The following MTCL1 variants were observed in gnomAD, a reference collection of about 807,000 sequenced individuals.
MTCL1 encodes microtubule cross-linking factor 1.
A neutral mutation model predicts 141.4 loss-of-function variants in MTCL1; 79 were observed. The ratio of observed to expected loss-of-function variants is 0.56; its 90% CI spans 0.47 to 0.67. The LOEUF (loss-of-function observed/expected upper bound fraction) is 0.67. Among genes scored for constraint, MTCL1 ranks in the 30% least tolerant of loss-of-function variants. The pLI is 0.00. For synonymous variants in MTCL1, 914 were observed against 875.8 expected, an observed-to-expected ratio of 1.04 and a Z score of -0.77; for missense variants, 2,177 against 2,113.9, an observed-to-expected ratio of 1.03 and a Z score of -0.59.
exon 17 of MTCL1, chr18:8,831,880 C>A (rs902650949): frequency 7.4e-6 from 11 of 1,480,672 alleles, no homozygotes; most frequent in Non-Finnish European, 1.0e-5. Flanking sequence ...AAACTCTGCC[C>A]AACAGGAGAG....
intron 10 of MTCL1, among the ~76,000 whole-genome samples, chr18:8,804,877 G>A (rs2076239952): frequency 6.6e-6 from 1 of 151,778 alleles, no homozygotes; most frequent in Admixed American, 6.6e-5. Flanking sequence ...TGTAGTCCCA[G>A]CTACTTGGGA....
chr18:8,756,271 T>TG (rs1304317078), intron 4 of MTCL1, among the ~76,000 whole-genome samples: 1 of 151,866 alleles, frequency 6.6e-6, no homozygotes, highest in Non-Finnish European at 1.5e-5. Context: ...TACAGAACAG[T>TG]GTGAGATTTC....
intron 13 of MTCL1, among the ~76,000 whole-genome samples, chr18:8,819,932 G>A (rs1166109368): frequency 6.6e-6 from 1 of 152,068 alleles, no homozygotes; most frequent in Admixed American, 6.5e-5. Context: ...TGAAATAATA[G>A]TACAGTCTTC....
Position 8,779,420 on chromosome 18 carries a change from G to A in MTCL1, c.417+1528G>A, listed in dbSNP as rs894967511. On this transcript the variant is annotated intron_variant, in intron 5 of 16. Transcript: ENST00000359865. The surrounding 1 kb of genome is among the most constrained non-coding windows in gnomAD (Gnocchi z 4.1). ...GACTCGGCCTTGAACCCCCGCCTCC[G>A]CTAGACTCTTGGCAGAGTTTTAAGA... 2.6e-5 allele frequency among the ~76,000 whole-genome samples: 4 copies of A among 152,132 alleles called. No homozygotes were observed. Among genetic ancestry groups the A allele is most frequent in the Admixed American group, 6.5e-5 (1 of 15,268 alleles).
chr18:8,785,997 G>A (rs1483882849), exon 7 of MTCL1: 2 of 1,607,496 alleles, frequency 1.2e-6, no homozygotes, highest in Admixed American at 1.7e-5. Flanking sequence ...GAGCGGGAGA[G>A]CCTGCGCCTC....
At chr18:8,785,048 A>G (rs1250092301) in intron 6 of MTCL1, among the ~76,000 whole-genome samples, 1 of 136,674 alleles carries the variant, frequency 7.3e-6, no homozygotes, top group East Asian at 2.2e-4. Flanking sequence ...GTTCTCTTGT[A>G]TTGCCTTGTT....
intron 4 of MTCL1, among the ~76,000 whole-genome samples, chr18:8,767,193 G>A (rs1421486749): frequency 2.0e-5 from 3 of 152,222 alleles, no homozygotes; most frequent in Non-Finnish European, 4.4e-5. Context: ...TGTGCCCTGG[G>A]GCTTAGAGCT....
chr18:8,792,016 C>T (rs1289654895), intron 7 of MTCL1, among the ~76,000 whole-genome samples: 1 of 152,190 alleles, frequency 6.6e-6, no homozygotes, highest in Non-Finnish European at 1.5e-5. Context: ...GTATGATCTT[C>T]ACTCTTGACT....
chr18:8,795,140 C>T (rs973618869), intron 8 of MTCL1, among the ~76,000 whole-genome samples: 24 of 152,238 alleles, frequency 1.6e-4, no homozygotes, highest in Non-Finnish European at 1.0e-4. Flanking sequence ...TGAGCGGCCA[C>T]GCAAGTCGTT....
intron 4 of MTCL1, among the ~76,000 whole-genome samples, chr18:8,763,518 G>A (rs2096443767): frequency 6.6e-6 from 1 of 152,234 alleles, no homozygotes; most frequent in Non-Finnish European, 1.5e-5. Context: ...ACTCTTATCA[G>A]CGTCTCAATT....
chr18:8,716,344 A>G (rs1370924570), upstream of MTCL1, among the ~76,000 whole-genome samples: 1 of 152,174 alleles, frequency 6.6e-6, no homozygotes, highest in Non-Finnish European at 1.5e-5. Context: ...GGGATAGTGT[A>G]GGCAGAGTGG....
intron 4 of MTCL1, among the ~76,000 whole-genome samples, chr18:8,721,642 C>G (rs1299818968): frequency 6.6e-6 from 1 of 152,206 alleles, no homozygotes; most frequent in Admixed American, 6.5e-5. Context: ...AGCCCCTCCC[C>G]TCAACACTCG....
At chr18:8,794,183 C>T (rs948934785) in intron 8 of MTCL1, among the ~76,000 whole-genome samples, 6 of 152,180 alleles carry the variant, frequency 3.9e-5, no homozygotes, top group African/African-American at 9.7e-5. Flanking sequence ...AAAATGTTTG[C>T]ATGGCACCAA....
At chr18:8,723,011 G>A (rs2096183643) in intron 4 of MTCL1, among the ~76,000 whole-genome samples, 1 of 152,230 alleles carries the variant, frequency 6.6e-6, no homozygotes, top group Non-Finnish European at 1.5e-5. Flanking sequence ...GGCTCAGGGT[G>A]GATGTGAGGA....
chr18:8,727,226 A>G (rs992399021), intron 4 of MTCL1, among the ~76,000 whole-genome samples: 1 of 152,118 alleles, frequency 6.6e-6, no homozygotes, highest in African/African-American at 2.4e-5. Context: ...GGTTGATTCC[A>G]TGATTTTGCT....
chr18:8,825,300 T>A, exon 15 of MTCL1: 1 of 1,541,870 alleles, frequency 6.5e-7, no homozygotes, highest in Non-Finnish European at 8.7e-7. Context: ...CCTCTGTACC[T>A]CCCTGGGGTT....
chr18:8,776,734 T>G (rs1315767298), intron 4 of MTCL1, among the ~76,000 whole-genome samples: 38 of 75,058 alleles, frequency 5.1e-4, no homozygotes, highest in Middle Eastern at 9.1e-3. Context: ...TATTTATTTA[T>G]TTATTTATTT....
At chr18:8,721,391 T>C (rs1253028475) in intron 4 of MTCL1, among the ~76,000 whole-genome samples, 2 of 152,216 alleles carry the variant, frequency 1.3e-5, no homozygotes, top group African/African-American at 4.8e-5. Context: ...GTTGTGCATG[T>C]GCAGTGCAGG....
intron 4 of MTCL1, among the ~76,000 whole-genome samples, chr18:8,730,946 T>A (rs1279295325): frequency 6.6e-6 from 1 of 152,182 alleles, no homozygotes; most frequent in Non-Finnish European, 1.5e-5. Context: ...TGCTTGCTGC[T>A]TTTCTTAAAA....
Sources: allele counts gnomAD v4.1 joint callset (sites outside exome capture counted in the v4.1 genomes callset), GRCh38; gene constraint gnomAD v4.1.1; non-coding constraint Gnocchi (gnomAD v3.1); transcripts MANE v1.5; gene names NCBI Gene and HGNC (gene_info 2026-07-23, HGNC 2026-07-21).